CASD1: variants seen among roughly 807,000 people sequenced by gnomAD.
CASD1 encodes the protein N-acetylneuraminate (7)9-O-acetyltransferase.
A neutral mutation model predicts 100.0 loss-of-function variants in CASD1; 41 were observed. That is an observed-to-expected ratio of 0.41 (90% CI 0.32 to 0.53). CASD1 has a LOEUF of 0.53. Among genes scored for constraint, CASD1 ranks in the 20% least tolerant of loss-of-function variants. The probability of loss-of-function intolerance (pLI) is 0.25; values close to 1 mark genes in which losing one functional copy is unlikely to be tolerated. For missense variants in CASD1, 774 were observed against 948.7 expected (o/e 0.82, Z 2.42); for synonymous variants, 321 against 315.6 (o/e 1.02, Z -0.18).
chr7:94,628,079 A>G, the CASD1 span: 1 of 721,046 alleles, frequency 1.4e-6, no homozygotes, highest in Non-Finnish European at 2.4e-6. Flanking sequence ...CCATGCACAA[A>G]ATATTAAAAA....
chr7:94,599,517 T>C, the CASD1 span: 3 of 605,670 alleles, frequency 5.0e-6, no homozygotes, highest in Non-Finnish European at 8.8e-6. Context: ...TCAAACCCTT[T>C]TTAGTTTTAG....
chr7:94,545,713 T>G lies in CASD1; in HGVS notation c.1633+12T>G. 1.3e-6 allele frequency: 2 copies of G among 1,534,348 alleles called. No homozygotes were observed. The highest frequency in any genetic ancestry group is 1.8e-6 in the Non-Finnish European group (2 of 1,125,464). On this transcript the variant is annotated intron_variant, in intron 12 of 17. Transcript: ENST00000297273. The stretch of plus-strand genomic sequence containing the variant: ...AAAAAAAGCAAACGGTAAATATACT[T>G]TCTTACTAATGTTAGTAAATATATT...
At chr7:94,576,270 A>G in the CASD1 span, among the ~76,000 whole-genome samples, 6 of 152,156 alleles carry the variant, frequency 3.9e-5, no homozygotes, top group Admixed American at 6.5e-5. Flanking sequence ...CTGCTGTTAA[A>G]TCTTTGGGCA....
At chr7:94,563,877 T>C in the CASD1 span, among the ~76,000 whole-genome samples, 89 of 152,298 alleles carry the variant, frequency 5.8e-4, no homozygotes, top group Admixed American at 1.9e-3. Flanking sequence ...TAGCCCTGAC[T>C]GCTGGACTCT....
chr7:94,575,089 C>T, the CASD1 span, among the ~76,000 whole-genome samples: 1 of 152,068 alleles, frequency 6.6e-6, no homozygotes, highest in Admixed American at 6.6e-5. Flanking sequence ...CTTCTGCTAG[C>T]TTTGGGGTTG....
the CASD1 span, among the ~76,000 whole-genome samples, chr7:94,593,063 TA>T: frequency 6.6e-6 from 1 of 152,124 alleles, no homozygotes; most frequent in Non-Finnish European, 1.5e-5. Flanking sequence ...TATTAAAACT[TA>T]ATTTTTATTT....
At chr7:94,565,214 C>T in the CASD1 span, among the ~76,000 whole-genome samples, 1 of 152,094 alleles carries the variant, frequency 6.6e-6, no homozygotes, top group East Asian at 1.9e-4. Context: ...TATTTTGGGG[C>T]CTATCAACCC....
the CASD1 span, among the ~76,000 whole-genome samples, chr7:94,615,282 C>T: frequency 6.6e-6 from 1 of 152,030 alleles, no homozygotes; most frequent in Non-Finnish European, 1.5e-5. Flanking sequence ...TCGCTTGAAC[C>T]CAGGAGGCAG....
At chr7:94,526,910 C>T (rs1794597424) in intron 3 of CASD1, among the ~76,000 whole-genome samples, 1 of 152,148 alleles carries the variant, frequency 6.6e-6, no homozygotes, top group Non-Finnish European at 1.5e-5. Context: ...TCCTTGTTTG[C>T]TGTTGAAATT....
chr7:94,599,443 G>T, the CASD1 span: 1 of 477,956 alleles, frequency 2.1e-6, no homozygotes, highest in Non-Finnish European at 3.7e-6. Flanking sequence ...TAATATAAAT[G>T]GTAAGTTAAT....
the CASD1 span, chr7:94,628,324 T>A: frequency 6.2e-7 from 1 of 1,610,990 alleles, no homozygotes. Context: ...CCCATTAAAT[T>A]TGTATTAAAT....
chr7:94,625,161 C>A, the CASD1 span: 6 of 151,746 alleles, frequency 4.0e-5, no homozygotes, highest in African/African-American at 1.5e-4. Flanking sequence ...ATTTTAGATA[C>A]TTAAAATCTA....
downstream of CASD1, among the ~76,000 whole-genome samples, chr7:94,558,416 A>G (rs551592630): frequency 2.0e-4 from 31 of 152,288 alleles, no homozygotes; most frequent in Admixed American, 1.5e-3. Context: ...GTAGTATTGT[A>G]CTTACAGATT....
intron 3 of CASD1, among the ~76,000 whole-genome samples, chr7:94,521,851 C>T (rs1241529585): frequency 6.6e-6 from 1 of 152,064 alleles, no homozygotes; most frequent in Admixed American, 6.6e-5. Flanking sequence ...TTTGGGAGGC[C>T]GAAGCGGGTG....
At chr7:94,603,161 T>G in the CASD1 span, 2 of 687,616 alleles carry the variant, frequency 2.9e-6, no homozygotes, top group Non-Finnish European at 5.0e-6. Context: ...ATCCTTAATC[T>G]CAAGGGAAGT....
chr7:94,562,762 C>T, the CASD1 span, among the ~76,000 whole-genome samples: 4 of 152,082 alleles, frequency 2.6e-5, no homozygotes, highest in Admixed American at 6.6e-5. Context: ...GGTGTTGGTA[C>T]ACACTTGCCC....
At chr7:94,605,724 A>G in the CASD1 span, among the ~76,000 whole-genome samples, 17 of 152,234 alleles carry the variant, frequency 1.1e-4, no homozygotes, top group Non-Finnish European at 2.2e-4. Context: ...AAAATGCTCA[A>G]TGAAAACTAT....
chr7:94,573,452 T>A, the CASD1 span, among the ~76,000 whole-genome samples: 10 of 152,154 alleles, frequency 6.6e-5, no homozygotes, highest in African/African-American at 2.4e-4. Context: ...CCTCCCTGAT[T>A]AGCTGTATCT....
At chr7:94,560,246 A>C (rs1176944265), downstream of CASD1, among the ~76,000 whole-genome samples, 2 of 152,182 alleles carry the variant, frequency 1.3e-5, no homozygotes, top group African/African-American at 4.8e-5. Flanking sequence ...TGTTTTTCTT[A>C]GGTTAGTCAG....
Sources: gnomAD v4.1 joint callset for allele counts (sites outside exome capture counted in the v4.1 genomes callset) on GRCh38, gnomAD v4.1.1 for gene constraint, MANE v1.5 for transcripts, NCBI Gene and HGNC (gene_info 2026-07-23, HGNC 2026-07-21) for gene names.